The following SYNE1 variants were observed in gnomAD, a reference collection of about 807,000 sequenced individuals.
SYNE1 encodes spectrin repeat containing nuclear envelope protein 1.
Under a neutral mutation model 1,111.0 loss-of-function variants are expected in SYNE1, and 616 were observed. The observed-to-expected ratio is 0.55, with a 90% CI of 0.52 to 0.59. The LOEUF (loss-of-function observed/expected upper bound fraction) is 0.59, where lower values mean the gene tolerates loss of function less well. Ranked by LOEUF, SYNE1 falls within the 20% of genes least tolerant of loss-of-function variation. SYNE1 has a pLI of 0.00. For missense variants in SYNE1, 10,006 were observed against 10,417.0 expected (o/e 0.96, Z 1.72); for synonymous variants, 3,855 against 3,825.8 (o/e 1.01, Z -0.28).
At position 152,484,415 on chromosome 6, in the gene SYNE1, A is replaced by G. The variant is rs142093581; in HGVS notation, c.1185+420T>C. Among the ~76,000 whole-genome samples the G allele has an allele frequency of 1.4e-4, 22 of 152,314 alleles. No homozygotes were observed. In the East Asian group the frequency reaches 4.2e-3, roughly 29 times the overall value. On this transcript the variant is annotated intron_variant, in intron 13 of 145. Coordinates refer to ENST00000367255, the MANE Select transcript of SYNE1 (RefSeq NM_182961.4). ...TTAAAGAATGCAAAACTGTATGTCA[A>G]CACAGGAAGGTCATTAACTGTTGAT...
intron 121 of SYNE1, among the ~76,000 whole-genome samples, chr6:152,217,116 A>T (rs1368679638): frequency 1.4e-3 from 72 of 52,090 alleles, no homozygotes; most frequent in African/African-American, 3.6e-3. Context: ...TTTTTTTTTA[A>T]AAAAGTATTA....
chr6:152,190,191 T>C (rs1470700243), intron 127 of SYNE1, among the ~76,000 whole-genome samples: 2 of 152,168 alleles, frequency 1.3e-5, no homozygotes, highest in African/African-American at 4.8e-5. Flanking sequence ...ACTTTTTTTA[T>C]TGATCCATAA....
At chr6:152,587,661 C>T (rs894660440) in intron 3 of SYNE1, among the ~76,000 whole-genome samples, 1 of 152,126 alleles carries the variant, frequency 6.6e-6, no homozygotes, top group Admixed American at 6.6e-5. Context: ...TTCCCCTTCC[C>T]ACATCCTCTC....
chr6:152,189,527 T>C lies in SYNE1; in HGVS notation c.23146-120A>G. 9.5e-6 allele frequency: 9 copies of C among 943,306 alleles called. No homozygotes were observed. The South Asian group carries it at 1.3e-4, about 14-fold the overall frequency. 58.4% of individuals were successfully genotyped at this position (943,306 alleles called of 1,614,324 possible). A position where few individuals can be genotyped will look rare whatever the true frequency, so the allele number is the denominator to read the frequency against. On this transcript the variant is annotated intron_variant, in intron 127 of 145. Transcript: ENST00000367255. The stretch of plus-strand genomic sequence containing the variant: ...ATAGCCCTCAATTTAAATATCTAAC[T>C]TGGGATCTAGAGGCACATCATGGCA...
chr6:152,165,533 TCAG>T (rs2063476604), intron 130 of SYNE1, among the ~76,000 whole-genome samples: 1 of 152,220 alleles, frequency 6.6e-6, no homozygotes, highest in Non-Finnish European at 1.5e-5. Context: ...GTAAAAACCC[TCAG>T]GAACATTACC....
At chr6:152,570,380 G>A (rs1191012313) in intron 3 of SYNE1, among the ~76,000 whole-genome samples, 2 of 152,146 alleles carry the variant, frequency 1.3e-5, no homozygotes, top group Non-Finnish European at 2.9e-5. Flanking sequence ...CCTTCTCTGT[G>A]TATAATATTT....
At chr6:152,262,307 G>T in intron 100 of SYNE1, 119 bp from the exon 101 acceptor site, 1 of 912,684 alleles carries the variant, frequency 1.1e-6, no homozygotes, top group Non-Finnish European at 1.7e-6. Flanking sequence ...TTAGTTATTA[G>T]CTTACACTTT....
At chr6:152,578,670 A>C (rs1414023163) in intron 3 of SYNE1, among the ~76,000 whole-genome samples, 3 of 152,220 alleles carry the variant, frequency 2.0e-5, no homozygotes, top group African/African-American at 7.2e-5. Context: ...CTTTGATTTC[A>C]AGATTCCCTT....
In SYNE1 at chr6:152,364,321, C is replaced by T. The variant is rs140320482; in HGVS notation, c.10145+526G>A. Among the ~76,000 whole-genome samples, 619 of 152,176 alleles carry T rather than the reference C, an allele frequency of 4.1e-3. 5 individuals are homozygous for T. The highest frequency in any genetic ancestry group is 0.011 in the East Asian group (58 of 5,156). ...GTCTTCCTAGCAGAGTGAGAACGGG[C>T]TAATACAACACCCTTTACTTACTGC... On this transcript the variant is annotated intron_variant, in intron 63 of 145. Coordinates refer to ENST00000367255, the MANE Select transcript of SYNE1 (RefSeq NM_182961.4).
At chr6:152,579,363 G>T (rs985399676) in intron 3 of SYNE1, among the ~76,000 whole-genome samples, 3 of 152,214 alleles carry the variant, frequency 2.0e-5, no homozygotes, top group African/African-American at 7.2e-5. Flanking sequence ...ATGTTGTGAG[G>T]ATACCCAGGC....
At chr6:152,343,269 G>A (rs746508288) in intron 74 of SYNE1, among the ~76,000 whole-genome samples, 68 of 148,874 alleles carry the variant, frequency 4.6e-4, no homozygotes, top group Non-Finnish European at 8.0e-4. Flanking sequence ...AGCAATTTTC[G>A]TGCTTCAGCT....
chr6:152,281,780 C>T, intron 97 of SYNE1, 27 bp downstream of exon 97: 1 of 1,613,650 alleles, frequency 6.2e-7, no homozygotes. Flanking sequence ...ATGATGTTGA[C>T]ATATTCCTTT....
At chr6:152,467,149 T>C (rs1467101547) in intron 16 of SYNE1, among the ~76,000 whole-genome samples, 3 of 152,116 alleles carry the variant, frequency 2.0e-5, no homozygotes, top group Non-Finnish European at 1.5e-5. Context: ...CATTTACTTA[T>C]AAATTAACTA....
intron 3 of SYNE1, among the ~76,000 whole-genome samples, chr6:152,613,115 CCT>C (rs1323671477): frequency 6.6e-6 from 1 of 152,178 alleles, no homozygotes; most frequent in Non-Finnish European, 1.5e-5. Context: ...TCTCACCACT[CCT>C]ATTCAACATA....
chr6:152,340,800 T>G (rs138370764), intron 74 of SYNE1, among the ~76,000 whole-genome samples: 75 of 152,270 alleles, frequency 4.9e-4, no homozygotes, highest in African/African-American at 1.7e-3. Flanking sequence ...GAACATCACG[T>G]GGAGAACGGC....
intron 46 of SYNE1, 142 bp downstream of exon 46, chr6:152,404,071 A>C (rs1681112915): frequency 2.0e-6 from 1 of 492,842 alleles, no homozygotes. Context: ...TATATGTATC[A>C]GATATAGATA....
In SYNE1 at chr6:152,240,293, A is replaced by AAAACAAAC. The variant is rs71017529; in HGVS notation, c.19894-595_19894-588dup. Reference sequence around the variant, plus strand: ...GAGCTCTGGTTGGAGACTCCATCTCAAAACAAACAAACAAACAAACAAACA... The same window carrying AAAACAAAC: ...GAGCTCTGGTTGGAGACTCCATCTCAAAACAAACAAACAAACAAACAAACAAACAAACA... On this transcript the variant is annotated intron_variant, in intron 107 of 145. Transcript: ENST00000367255. 5.6e-3 allele frequency among the ~76,000 whole-genome samples: 837 copies of AAAACAAAC among 150,480 alleles called. 5 individuals are homozygous for AAAACAAAC. Among genetic ancestry groups the AAAACAAAC allele is most frequent in the East Asian group, 0.046 (233 of 5,068 alleles).
chr6:152,253,451 T>C (rs1381678673), intron 104 of SYNE1, among the ~76,000 whole-genome samples: 1 of 152,172 alleles, frequency 6.6e-6, no homozygotes, highest in Non-Finnish European at 1.5e-5. Context: ...GCAGTTAATA[T>C]GAGTATGAGT....
chr6:152,599,426 C>T (rs892407411), intron 3 of SYNE1, among the ~76,000 whole-genome samples: 4 of 152,200 alleles, frequency 2.6e-5, no homozygotes, highest in African/African-American at 9.7e-5. Flanking sequence ...ATTGGTGACA[C>T]TATCAGATCA....
Sources: gnomAD v4.1 joint callset for allele counts (sites outside exome capture counted in the v4.1 genomes callset) on GRCh38, gnomAD v4.1.1 for gene constraint, MANE v1.5 for transcripts, NCBI Gene and HGNC (gene_info 2026-07-23, HGNC 2026-07-21) for gene names.